COPS5: variants seen among roughly 807,000 people sequenced by gnomAD.
COPS5 encodes the protein COP9 signalosome complex subunit 5.
COPS5 carries 8 observed loss-of-function variants against 44.4 expected under a neutral mutation model. That is an observed-to-expected ratio of 0.18 (90% CI 0.11 to 0.32). The LOEUF (loss-of-function observed/expected upper bound fraction) is 0.32, where lower values mean the gene tolerates loss of function less well. Ranked by LOEUF, COPS5 falls within the 10% of genes least tolerant of loss-of-function variation. The pLI is 1.00. For synonymous variants in COPS5, 122 were observed against 142.8 expected, an observed-to-expected ratio of 0.85 and a Z score of 1.04; for missense variants, 159 against 406.4, an observed-to-expected ratio of 0.39 and a Z score of 5.23.
chr8:67,049,910 A>C (rs1475729523), intron 6 of COPS5, among the ~76,000 whole-genome samples: 1 of 152,212 alleles, frequency 6.6e-6, no homozygotes, highest in Non-Finnish European at 1.5e-5. Flanking sequence ...AATTGTTCCT[A>C]AGTTCTAAAT....
chr8:67,061,654 G>C (rs981156399), intron 1 of COPS5, 200 bp downstream of exon 1: 1 of 591,580 alleles, frequency 1.7e-6, no homozygotes, highest in African/African-American at 1.9e-5. Context: ...CATCACCCGG[G>C]GGCAAATGGA....
intron 2 of COPS5, 70 bp downstream of exon 2, chr8:67,059,141 T>A (rs770605012): frequency 1.2e-5 from 13 of 1,046,294 alleles, no homozygotes; most frequent in Non-Finnish European, 1.7e-5. Flanking sequence ...TAATTTTAAG[T>A]TTAGAAACTC....
chr8:67,060,259 T>G (rs751580558), intron 1 of COPS5: 28 of 891,618 alleles, frequency 3.1e-5, no homozygotes, highest in Non-Finnish European at 4.0e-5. Context: ...TGAATATAAT[T>G]AGAGCCACAA....
chr8:67,051,361 A>C lies in COPS5; in HGVS notation c.660-20T>G, dbSNP rs368003148. The C allele has an allele frequency of 2.4e-5, 34 of 1,441,780 alleles. No individual in the cohort carries two copies. In the East Asian group the frequency reaches 6.4e-4, roughly 27 times the overall value. The allele number at this position is 1,441,780 out of a possible 1,614,324, so 89.3% of individuals were successfully genotyped here. A position where few individuals can be genotyped will look rare whatever the true frequency, so the allele number is the denominator to read the frequency against. ...TAATATCTATGAAATAAAAGCATAA[A>C]ATTTAGTAAGTAAAAAAAAAAATTC... On this transcript the variant is annotated intron_variant, in intron 5 of 7. Transcript: ENST00000357849.
intron 6 of COPS5, among the ~76,000 whole-genome samples, chr8:67,050,665 T>C (rs1450156154): frequency 6.7e-6 from 1 of 150,290 alleles, no homozygotes; most frequent in African/African-American, 2.5e-5. Flanking sequence ...TTTTTGAACA[T>C]GAAGCTGAGA....
At chr8:67,046,772 G>A (rs928524747) in intron 6 of COPS5, among the ~76,000 whole-genome samples, 9 of 136,944 alleles carry the variant, frequency 6.6e-5, no homozygotes, top group African/African-American at 2.2e-4. Context: ...GCAGTGAGCC[G>A]AGATTGCGCC....
At chr8:67,061,569 A>T in intron 1 of COPS5, 1 of 461,194 alleles carries the variant, frequency 2.2e-6, no homozygotes. Context: ...GGCTCAAGGT[A>T]GGGTGTGTGG....
intron 6 of COPS5, 146 bp downstream of exon 6, chr8:67,051,084 C>T: frequency 1.6e-6 from 1 of 613,734 alleles, no homozygotes; most frequent in South Asian, 2.0e-5. Flanking sequence ...AATCCTAATC[C>T]AGCTGTGGTG....
chr8:67,049,090 T>C (rs1816736332), intron 6 of COPS5, among the ~76,000 whole-genome samples: 1 of 152,248 alleles, frequency 6.6e-6, no homozygotes, highest in South Asian at 2.1e-4. Flanking sequence ...TTAAGTGCAA[T>C]GAGCAGCTTC....
At position 67,043,209 on chromosome 8, in the gene COPS5, G is replaced by A; in HGVS notation, c.*24C>T. 7.5e-7 allele frequency: 1 copy of A among 1,327,402 alleles called. No individual in the cohort carries two copies. The highest frequency in any genetic ancestry group is 1.1e-6 in the Non-Finnish European group (1 of 931,654). The allele number at this position is 1,327,402 out of a possible 1,614,324, so 82.2% of individuals were successfully genotyped here. ...AATATTTTTCTCATACTGTCTTTCA[G>A]GTAAAGTACTTCTCAGAGACTGTTT... is the stretch of plus-strand genomic sequence containing the variant. On this transcript the variant is annotated 3_prime_UTR_variant, in exon 8 of 8. Coordinates refer to ENST00000357849, the MANE Select transcript of COPS5 (RefSeq NM_006837.3).
chr8:67,060,596 A>C, intron 1 of COPS5: 1 of 874,748 alleles, frequency 1.1e-6, no homozygotes. Context: ...CATACATTCT[A>C]GACGACTCTT....
chr8:67,052,759 G>T (rs1804437213), intron 5 of COPS5, among the ~76,000 whole-genome samples: 1 of 148,660 alleles, frequency 6.7e-6, no homozygotes, highest in Non-Finnish European at 1.5e-5. Context: ...GGCAGAGGTT[G>T]AAGTGAGCCG....
intron 3 of COPS5, 128 bp downstream of exon 3, chr8:67,057,955 T>TTA: frequency 2.1e-6 from 2 of 941,718 alleles, no homozygotes; most frequent in Non-Finnish European, 3.2e-6. Flanking sequence ...GAGATGGAAT[T>TTA]CACATTGAAA....
At chr8:67,058,001 C>T (rs1350621261) in intron 3 of COPS5, 82 bp downstream of exon 3, 7 of 1,444,282 alleles carry the variant, frequency 4.8e-6, no homozygotes, top group Non-Finnish European at 6.8e-6. Flanking sequence ...TTTCTCTTTA[C>T]TACACTATTC....
intron 6 of COPS5, among the ~76,000 whole-genome samples, chr8:67,050,053 T>G (rs1804375693): frequency 6.7e-6 from 1 of 149,682 alleles, no homozygotes; most frequent in Admixed American, 6.8e-5. Context: ...TAGGCTGGAG[T>G]GCAGTAGCGC....
At chr8:67,045,164 A>C (rs927572311) in intron 7 of COPS5, 1 of 151,984 alleles carries the variant, frequency 6.6e-6, no homozygotes, top group African/African-American at 2.4e-5. Flanking sequence ...AAGAAATCCT[A>C]ATTTTGGCCG....
At chr8:67,055,406 G>A (rs781282325) in intron 5 of COPS5, among the ~76,000 whole-genome samples, 4 of 152,184 alleles carry the variant, frequency 2.6e-5, no homozygotes, top group South Asian at 2.1e-4. Flanking sequence ...AAGACTCGCC[G>A]GAAGGCAAGT....
At chr8:67,048,717 A>G (rs1445976755) in intron 6 of COPS5, among the ~76,000 whole-genome samples, 1 of 144,468 alleles carries the variant, frequency 6.9e-6, no homozygotes, top group Non-Finnish European at 1.5e-5. Flanking sequence ...CTCCATCTCA[A>G]AAAAAAAAAA....
At chr8:67,061,811 G>A in intron 1 of COPS5, 43 bp downstream of exon 1, 1 of 1,603,326 alleles carries the variant, frequency 6.2e-7, no homozygotes, top group Non-Finnish European at 8.5e-7. Flanking sequence ...CTTAAACTCC[G>A]CCACCCTTTC....
Sources: gnomAD v4.1 joint callset for allele counts (sites outside exome capture counted in the v4.1 genomes callset) on GRCh38, gnomAD v4.1.1 for gene constraint, MANE v1.5 for transcripts, NCBI Gene and HGNC (gene_info 2026-07-23, HGNC 2026-07-21) for gene names.